The following GRIA1 variants were observed in gnomAD, a reference collection of about 807,000 sequenced individuals.
The protein encoded by GRIA1 is glutamate ionotropic receptor AMPA type subunit 1, also known as glutamate receptor 1.
In GRIA1, 31 loss-of-function variants were observed where a neutral mutation model predicts 99.2. The observed-to-expected ratio is 0.31, with a 90% CI of 0.23 to 0.42. The LOEUF (loss-of-function observed/expected upper bound fraction) is 0.42. Among genes scored for constraint, GRIA1 ranks in the 10% least tolerant of loss-of-function variants. The pLI is 1.00. For missense variants in GRIA1, 782 were observed against 1,157.5 expected (o/e 0.68, Z 4.71); for synonymous variants, 438 against 432.4 (o/e 1.01, Z -0.16).
chr5:153,609,519 C>T lies in GRIA1; in HGVS notation c.221-37409C>T, dbSNP rs935540867. Among the ~76,000 whole-genome samples the T allele has an allele frequency of 3.3e-5, 5 of 151,386 alleles. No individual in the cohort carries two copies. The East Asian group carries it at 9.7e-4, about 29-fold the overall frequency. On this transcript the variant is annotated intron_variant, in intron 2 of 15. Coordinates refer to ENST00000285900, the MANE Select transcript of GRIA1 (RefSeq NM_000827.4). Reference sequence around the variant, plus strand: ...CTAGCCTCCTTCTCATTCACCTTAGCCCAGTGACTTTGGCATTTGGGATTC... The same window carrying T: ...CTAGCCTCCTTCTCATTCACCTTAGTCCAGTGACTTTGGCATTTGGGATTC...
intron 2 of GRIA1, among the ~76,000 whole-genome samples, chr5:153,572,663 T>C (rs1164163566): frequency 6.6e-6 from 1 of 152,162 alleles, no homozygotes; most frequent in Non-Finnish European, 1.5e-5. Context: ...CTGGCTATAT[T>C]ACCCTTATTG....
intron 2 of GRIA1, chr5:153,574,334 T>A (rs1291914674): frequency 2.0e-5 from 3 of 152,180 alleles, no homozygotes; most frequent in Non-Finnish European, 4.4e-5. Context: ...TATCCTGTTG[T>A]TTATTTTTTT....
At chr5:153,588,410 A>G (rs1227427262) in intron 2 of GRIA1, among the ~76,000 whole-genome samples, 2 of 152,182 alleles carry the variant, frequency 1.3e-5, no homozygotes, top group African/African-American at 4.8e-5. Flanking sequence ...AGTGCCTGCA[A>G]TGTAAGGCCT....
chr5:153,628,255 GCTCATC>G (rs1767825072), intron 2 of GRIA1, among the ~76,000 whole-genome samples: 1 of 152,168 alleles, frequency 6.6e-6, no homozygotes, highest in African/African-American at 2.4e-5. Flanking sequence ...ATGAGATTCT[GCTCATC>G]ACAGGGGAGT....
chr5:153,531,684 A>G (rs1344176608), intron 2 of GRIA1, among the ~76,000 whole-genome samples: 1 of 152,200 alleles, frequency 6.6e-6, no homozygotes, highest in Non-Finnish European at 1.5e-5. Flanking sequence ...GTTGGTGGGA[A>G]TGTATTGAAT....
At chr5:153,492,312 T>C (rs1325432077) in intron 1 of GRIA1, 2 of 1,532,620 alleles carry the variant, frequency 1.3e-6, no homozygotes, top group African/African-American at 1.4e-5. Flanking sequence ...CTGAAGTGTG[T>C]ACGTATCTGT....
intron 2 of GRIA1, among the ~76,000 whole-genome samples, chr5:153,613,999 T>G (rs1221909032): frequency 6.6e-6 from 1 of 152,194 alleles, no homozygotes; most frequent in Non-Finnish European, 1.5e-5. Context: ...CACACAGGCC[T>G]TTAGTCCTTG....
intron 13 of GRIA1, among the ~76,000 whole-genome samples, chr5:153,781,331 G>C (rs1180085113): frequency 1.3e-5 from 2 of 151,320 alleles, no homozygotes; most frequent in Non-Finnish European, 2.9e-5. Flanking sequence ...ATTCCCATGG[G>C]AATAAAATGT....
chr5:153,690,647 G>A (rs996738711), intron 8 of GRIA1, among the ~76,000 whole-genome samples: 1 of 152,194 alleles, frequency 6.6e-6, no homozygotes, highest in Non-Finnish European at 1.5e-5. Context: ...GCATTTGGGG[G>A]AGTCAGGCTG....
intron 5 of GRIA1, among the ~76,000 whole-genome samples, chr5:153,664,782 CA>C (rs1211287401): frequency 2.0e-5 from 3 of 152,146 alleles, no homozygotes; most frequent in Admixed American, 6.5e-5. Context: ...ACCTGGTTCC[CA>C]GTAGCTTTCA....
chr5:153,623,846 T>C (rs1410965510), intron 2 of GRIA1, among the ~76,000 whole-genome samples: 1 of 152,208 alleles, frequency 6.6e-6, no homozygotes, highest in Admixed American at 6.5e-5. Flanking sequence ...GCAATGATGA[T>C]AATAAATTAG....
intron 4 of GRIA1, among the ~76,000 whole-genome samples, chr5:153,652,470 A>C (rs1007157055): frequency 2.6e-5 from 4 of 152,206 alleles, no homozygotes; most frequent in African/African-American, 9.6e-5. Flanking sequence ...AAGAGAGATT[A>C]TACTTGCCCA....
intron 2 of GRIA1, among the ~76,000 whole-genome samples, chr5:153,563,713 G>A (rs536302837): frequency 1.3e-4 from 20 of 152,264 alleles, no homozygotes; most frequent in Admixed American, 1.0e-3. Context: ...AAGGAGCATC[G>A]TATCAAAGAG....
chr5:153,545,212 A>T (rs1222465222), intron 2 of GRIA1, among the ~76,000 whole-genome samples: 1 of 152,220 alleles, frequency 6.6e-6, no homozygotes, highest in African/African-American at 2.4e-5. Context: ...GTCCAGGCTC[A>T]TCGGAGACAC....
chr5:153,558,646 A>G (rs1468122824), intron 2 of GRIA1, among the ~76,000 whole-genome samples: 1 of 152,148 alleles, frequency 6.6e-6, no homozygotes, highest in African/African-American at 2.4e-5. Context: ...CAGCTGATGA[A>G]CATTTAGTCT....
chr5:153,677,257 G>GGGCCGGGCGCGGTGGCTCACGCCTGT, intron 7 of GRIA1, 96 bp downstream of exon 7: 1 of 1,042,904 alleles, frequency 9.6e-7, no homozygotes, highest in Non-Finnish European at 1.3e-6. Context: ...AGAAAAGGAA[G>GGGCCGGGCGCGGTGGCTCACGCCTGT]AAAATGCCTG....
At chr5:153,700,499 T>C (rs1758438086) in intron 10 of GRIA1, among the ~76,000 whole-genome samples, 1 of 152,128 alleles carries the variant, frequency 6.6e-6, no homozygotes, top group Non-Finnish European at 1.5e-5. Context: ...AGAAAACGCA[T>C]GGTTTTTGTT....
chr5:153,657,966 C>T (rs573420939), intron 5 of GRIA1, among the ~76,000 whole-genome samples: 2 of 152,168 alleles, frequency 1.3e-5, no homozygotes, highest in East Asian at 3.9e-4. Context: ...CCTTAACATC[C>T]CTTGACTCCC....
chr5:153,660,063 GA>G (rs1278789349), intron 5 of GRIA1, among the ~76,000 whole-genome samples: 1 of 152,128 alleles, frequency 6.6e-6, no homozygotes, highest in African/African-American at 2.4e-5. Flanking sequence ...ACAGATGTGG[GA>G]ACTGAGGCTG....
Sources: gnomAD v4.1 joint callset for allele counts (sites outside exome capture counted in the v4.1 genomes callset) on GRCh38, gnomAD v4.1.1 for gene constraint, MANE v1.5 for transcripts, NCBI Gene and HGNC (gene_info 2026-07-23, HGNC 2026-07-21) for gene names.